Variants in DPYD observed in about 807,000 individuals in gnomAD.
DPYD encodes the protein dihydropyrimidine dehydrogenase.
DPYD carries 109 observed loss-of-function variants against 116.2 expected under a neutral mutation model. That is an observed-to-expected ratio of 0.94 (90% CI 0.80 to 1.10). The LOEUF is 1.10. Among genes scored for constraint, DPYD ranks in the 50% least tolerant of loss-of-function variants. DPYD has a pLI of 0.00. For synonymous variants in DPYD, 440 were observed against 432.0 expected (o/e 1.02, Z -0.23); for missense variants, 1,302 against 1,254.5 (o/e 1.04, Z -0.57).
At chr1:97,898,227 A>AT (rs1673180702) in intron 1 of DPYD, among the ~76,000 whole-genome samples, 1 of 151,490 alleles carries the variant, frequency 6.6e-6, no homozygotes, top group Non-Finnish European at 1.5e-5. Flanking sequence ...GCCATGGGTC[A>AT]TTTTCCCACA....
rs190050046 is a variant in DPYD at position 97,495,517 on chromosome 1, G to T, written c.1740+20209C>A. 1.6e-4 allele frequency among the ~76,000 whole-genome samples: 24 copies of T among 152,090 alleles called. No individual in the cohort carries two copies. The East Asian group carries it at 3.9e-3, about 25-fold the overall frequency. On this transcript the variant is annotated intron_variant, in intron 13 of 22. Transcript: ENST00000370192. ...TTCCCAAGCCACATCAAAATGGTTT[G>T]TTATATTGTTGATTTTATTATTATT...
At chr1:97,605,578 A>G (rs1655536705) in intron 8 of DPYD, among the ~76,000 whole-genome samples, 1 of 152,060 alleles carries the variant, frequency 6.6e-6, no homozygotes, top group South Asian at 2.1e-4. Context: ...TATCCTTTAT[A>G]AATTATCCAG....
At chr1:97,872,659 A>G (rs548650237) in intron 2 of DPYD, among the ~76,000 whole-genome samples, 10 of 152,112 alleles carry the variant, frequency 6.6e-5, no homozygotes, top group Middle Eastern at 6.8e-3. Flanking sequence ...ATACTAATAT[A>G]TATCAAAACT....
intron 16 of DPYD, among the ~76,000 whole-genome samples, chr1:97,365,899 G>A (rs1392807115): frequency 6.6e-6 from 1 of 152,118 alleles, no homozygotes; most frequent in African/African-American, 2.4e-5. Flanking sequence ...CTCCCAAAGT[G>A]CTGGCATACA....
intron 11 of DPYD, among the ~76,000 whole-genome samples, chr1:97,555,161 A>G (rs1272614011): frequency 6.6e-6 from 1 of 151,844 alleles, no homozygotes; most frequent in Non-Finnish European, 1.5e-5. Context: ...ATTAATTTTG[A>G]TCTTTTTTGA....
At chr1:97,510,494 T>G (rs1375004308) in intron 13 of DPYD, among the ~76,000 whole-genome samples, 1 of 151,970 alleles carries the variant, frequency 6.6e-6, no homozygotes, top group Non-Finnish European at 1.5e-5. Context: ...TTGGACTTGA[T>G]GAAGATCATA....
intron 3 of DPYD, among the ~76,000 whole-genome samples, chr1:97,752,541 C>T (rs1028008241): frequency 6.6e-6 from 1 of 152,132 alleles, no homozygotes; most frequent in South Asian, 2.1e-4. Flanking sequence ...TATCTCTGAG[C>T]CTCGGCTTCT....
intron 19 of DPYD, among the ~76,000 whole-genome samples, chr1:97,204,798 T>C (rs1385214054): frequency 6.6e-6 from 1 of 152,088 alleles, no homozygotes; most frequent in Non-Finnish European, 1.5e-5. Flanking sequence ...CATTCTGGTC[T>C]TTCAGATACT....
chr1:97,869,088 T>A (rs1344943043), intron 2 of DPYD, among the ~76,000 whole-genome samples: 1 of 151,794 alleles, frequency 6.6e-6, no homozygotes, highest in Admixed American at 6.6e-5. Context: ...ATGGCCACCC[T>A]GCAGCACCAA....
intron 16 of DPYD, among the ~76,000 whole-genome samples, chr1:97,338,703 A>C (rs934362911): frequency 1.3e-5 from 2 of 152,190 alleles, no homozygotes; most frequent in Non-Finnish European, 2.9e-5. Flanking sequence ...GTCCCAGTGA[A>C]GAGGTTCTGG....
At chr1:97,516,786 C>A (rs1000698109) in intron 12 of DPYD, among the ~76,000 whole-genome samples, 7 of 151,936 alleles carry the variant, frequency 4.6e-5, no homozygotes, top group African/African-American at 1.7e-4. Flanking sequence ...TTAAAGATTG[C>A]ATCAGGCCTT....
chr1:97,587,055 A>T (rs555701390), intron 10 of DPYD, among the ~76,000 whole-genome samples: 12 of 152,334 alleles, frequency 7.9e-5, no homozygotes, highest in African/African-American at 2.9e-4. Flanking sequence ...CTCAGACTAG[A>T]ATGTAAATCA....
At chr1:97,773,844 T>G (rs1457781985) in intron 3 of DPYD, among the ~76,000 whole-genome samples, 2 of 152,088 alleles carry the variant, frequency 1.3e-5, no homozygotes, top group African/African-American at 4.8e-5. Context: ...ATAAAAAACT[T>G]TGCACCCATC....
chr1:97,463,518 G>A (rs147550808), intron 13 of DPYD, among the ~76,000 whole-genome samples: 19 of 152,306 alleles, frequency 1.2e-4, no homozygotes, highest in African/African-American at 4.3e-4. Context: ...AGAGTGGGGT[G>A]CTGCTGAAAA....
chr1:97,595,123 C>A lies in DPYD; in HGVS notation c.894G>T (p.Thr298=). The A allele has an allele frequency of 1.9e-6, 3 of 1,613,578 alleles. No homozygotes were observed. The highest frequency in any genetic ancestry group is 2.5e-6 in the Non-Finnish European group (3 of 1,179,662). ...PNKDAIFQGL[T]QDQGFYTSKD... ...TGGATGTATAAAACCCCTGGTCCTG[C>A]GTCAGGCCTTGGAAGATGGCATCTT... The change falls in exon 9 of 23, where the codon ACG becomes ACT. Residue 298 remains threonine, a synonymous_variant. Coordinates refer to ENST00000370192, the MANE Select transcript of DPYD (RefSeq NM_000110.4).
chr1:97,398,395 C>A (rs1467948896), intron 14 of DPYD, among the ~76,000 whole-genome samples: 1 of 152,044 alleles, frequency 6.6e-6, no homozygotes, highest in Non-Finnish European at 1.5e-5. Context: ...TGAATAGTGC[C>A]ACATTAAACA....
chr1:97,513,582 T>G (rs1647969652), intron 13 of DPYD, among the ~76,000 whole-genome samples: 1 of 148,194 alleles, frequency 6.7e-6, no homozygotes, highest in Non-Finnish European at 1.5e-5. Flanking sequence ...TTTAAATAGA[T>G]TCTTCAATTG....
chr1:97,786,779 A>C (rs1419281419), intron 3 of DPYD, among the ~76,000 whole-genome samples: 1 of 152,218 alleles, frequency 6.6e-6, no homozygotes, highest in Non-Finnish European at 1.5e-5. Flanking sequence ...AGGAGTTATT[A>C]CTTATTTTGT....
chr1:97,589,014 T>A (rs1410632568), intron 10 of DPYD, among the ~76,000 whole-genome samples: 3 of 152,084 alleles, frequency 2.0e-5, no homozygotes, highest in Non-Finnish European at 2.9e-5. Context: ...AAAATGCAAA[T>A]TCTCAGACCC....
Sources: allele counts gnomAD v4.1 joint callset (sites outside exome capture counted in the v4.1 genomes callset), GRCh38; gene constraint gnomAD v4.1.1; transcripts MANE v1.5; gene names NCBI Gene and HGNC (gene_info 2026-07-23, HGNC 2026-07-21).